The following LINGO2 variants were observed in gnomAD, a reference collection of about 807,000 sequenced individuals.
LINGO2 encodes leucine rich repeat and Ig domain containing 2.
Under a neutral mutation model 30.6 loss-of-function variants are expected in LINGO2, and 14 were observed. That is an observed-to-expected ratio of 0.46 (90% CI 0.30 to 0.72). The LOEUF is 0.72. LINGO2 is among the 30% of genes least tolerant of loss of function. The pLI is 0.07. For synonymous variants in LINGO2, 317 were observed against 288.5 expected (o/e 1.10, Z -1.00); for missense variants, 729 against 751.7 (o/e 0.97, Z 0.35).
chr9:28,360,577 G>A (rs1296114226), intron 3 of LINGO2, among the ~76,000 whole-genome samples: 8 of 152,118 alleles, frequency 5.3e-5, no homozygotes, highest in Admixed American at 4.6e-4. Context: ...GATTTTTGAA[G>A]GCACTGAAGA....
chr9:28,414,630 T>G (rs1029919228), intron 2 of LINGO2, among the ~76,000 whole-genome samples: 2 of 152,036 alleles, frequency 1.3e-5, no homozygotes, highest in Non-Finnish European at 2.9e-5. Flanking sequence ...TGCTGGACTG[T>G]TAAAATATAA....
intron 1 of LINGO2, among the ~76,000 whole-genome samples, chr9:28,603,142 T>C (rs1389815463): frequency 1.3e-5 from 2 of 152,082 alleles, no homozygotes. Context: ...CAGGATGACA[T>C]GTGTTTTGAT....
intron 4 of LINGO2, among the ~76,000 whole-genome samples, chr9:28,273,077 G>A (rs1303745312): frequency 1.3e-5 from 2 of 152,160 alleles, no homozygotes; most frequent in East Asian, 3.8e-4. Context: ...TTAGGACAAT[G>A]CTTCTCCCAT....
chr9:29,176,181 C>T, the LINGO2 span, among the ~76,000 whole-genome samples: 2 of 152,044 alleles, frequency 1.3e-5, no homozygotes, highest in African/African-American at 2.4e-5. Flanking sequence ...CCATTTTATA[C>T]ATGAGAAAAA....
At chr9:28,758,100 A>G in the LINGO2 span, among the ~76,000 whole-genome samples, 2 of 152,056 alleles carry the variant, frequency 1.3e-5, no homozygotes, top group Non-Finnish European at 2.9e-5. Context: ...GCAGAAGGAA[A>G]GGACTGTTGT....
chr9:29,093,187 G>GA, the LINGO2 span, among the ~76,000 whole-genome samples: 1 of 131,558 alleles, frequency 7.6e-6, no homozygotes, highest in East Asian at 2.6e-4. Flanking sequence ...AAAATATATA[G>GA]AAAAAAATAT....
the LINGO2 span, among the ~76,000 whole-genome samples, chr9:29,206,995 G>T: frequency 6.6e-6 from 1 of 151,788 alleles, no homozygotes; most frequent in Non-Finnish European, 1.5e-5. Context: ...ACCTCACGAG[G>T]ACTGCTTTCA....
At chr9:28,752,871 C>A in the LINGO2 span, among the ~76,000 whole-genome samples, 1 of 151,968 alleles carries the variant, frequency 6.6e-6, no homozygotes, top group African/African-American at 2.4e-5. Context: ...GGGCCAAGGT[C>A]AGCTATTTGA....
intron 4 of LINGO2, among the ~76,000 whole-genome samples, chr9:28,097,354 C>T (rs12344493): frequency 0.025 from 3,750 of 150,800 alleles, 138 homozygotes; most frequent in African/African-American, 0.082. Context: ...CAAAGGACTA[C>T]AAATCATGCT....
At chr9:28,893,006 C>T in the LINGO2 span, among the ~76,000 whole-genome samples, 1 of 151,940 alleles carries the variant, frequency 6.6e-6, no homozygotes, top group Non-Finnish European at 1.5e-5. Context: ...ATGCTTTATG[C>T]ACCTCTACCT....
At chr9:28,341,129 C>T (rs765111261) in intron 3 of LINGO2, among the ~76,000 whole-genome samples, 2 of 151,972 alleles carry the variant, frequency 1.3e-5, no homozygotes, top group Non-Finnish European at 2.9e-5. Flanking sequence ...ACAAGTTTTC[C>T]GTTGATATAA....
intron 5 of LINGO2, among the ~76,000 whole-genome samples, chr9:27,998,289 G>A (rs574082662): frequency 7.2e-5 from 11 of 152,300 alleles, no homozygotes; most frequent in African/African-American, 2.4e-4. Context: ...CACTTTCGGT[G>A]AAGCCAGCTG....
intron 1 of LINGO2, among the ~76,000 whole-genome samples, chr9:28,592,626 C>A (rs1367406638): frequency 6.6e-6 from 1 of 152,070 alleles, no homozygotes; most frequent in Admixed American, 6.6e-5. Flanking sequence ...AGTTAGATCA[C>A]ATGTCCATGG....
chr9:28,103,266 T>C (rs1396309200), intron 4 of LINGO2, among the ~76,000 whole-genome samples: 1 of 152,174 alleles, frequency 6.6e-6, no homozygotes, highest in African/African-American at 2.4e-5. Context: ...TGTATTTTTA[T>C]TTACATGTGC....
the LINGO2 span, among the ~76,000 whole-genome samples, chr9:28,886,115 T>A: frequency 6.6e-6 from 1 of 152,320 alleles, no homozygotes; most frequent in South Asian, 2.1e-4. Context: ...ATTTCCTAAA[T>A]TTTCATAAAT....
At chr9:29,040,117 T>C in the LINGO2 span, among the ~76,000 whole-genome samples, 28 of 152,258 alleles carry the variant, frequency 1.8e-4, no homozygotes, top group Middle Eastern at 3.4e-3. Context: ...GCTTCAACTG[T>C]ATATGATCTT....
intron 1 of LINGO2, among the ~76,000 whole-genome samples, chr9:28,548,597 G>A (rs991144981): frequency 1.1e-4 from 17 of 150,516 alleles, no homozygotes; most frequent in Admixed American, 2.7e-4. Context: ...TCAGCTACTC[G>A]GGAGGCTGAG....
At chr9:29,021,507 A>T in the LINGO2 span, among the ~76,000 whole-genome samples, 839 of 152,026 alleles carry the variant, frequency 5.5e-3, 10 homozygotes, top group African/African-American at 0.019. Flanking sequence ...AATACAAAAA[A>T]ATGGCCAGAC....
At chr9:29,212,577 G>C in the LINGO2 span, among the ~76,000 whole-genome samples, 28 of 152,198 alleles carry the variant, frequency 1.8e-4, no homozygotes, top group Admixed American at 1.2e-3. Flanking sequence ...AATTGGGGGT[G>C]GGTCTGCGGT....
Sources: gnomAD v4.1 joint callset for allele counts (sites outside exome capture counted in the v4.1 genomes callset) on GRCh38, gnomAD v4.1.1 for gene constraint, MANE v1.5 for transcripts, NCBI Gene and HGNC (gene_info 2026-07-23, HGNC 2026-07-21) for gene names.